TECTA: variants seen among roughly 807,000 people sequenced by gnomAD.
TECTA encodes tectorin alpha.
Under a neutral mutation model 216.8 loss-of-function variants are expected in TECTA, and 128 were observed. The ratio of observed to expected loss-of-function variants is 0.59; its 90% confidence interval spans 0.51 to 0.68. The LOEUF (loss-of-function observed/expected upper bound fraction) is 0.68, where lower values mean the gene tolerates loss of function less well. Among genes scored for constraint, TECTA ranks in the 30% least tolerant of loss-of-function variants. The probability of loss-of-function intolerance (pLI) is 0.00; values close to 1 mark genes in which losing one functional copy is unlikely to be tolerated. For missense variants in TECTA, 2,551 were observed against 2,786.2 expected (o/e 0.92, Z 1.90); for synonymous variants, 1,089 against 1,117.1 (o/e 0.97, Z 0.50).
At chr11:121,144,897 A>G (rs1184456272) in intron 11 of TECTA, among the ~76,000 whole-genome samples, 2 of 152,166 alleles carry the variant, frequency 1.3e-5, no homozygotes, top group South Asian at 2.1e-4. Context: ...GTGTGCTGCA[A>G]TACAGTGTAT....
chr11:121,118,642 C>T lies in TECTA; in HGVS notation c.1127C>T (p.Ser376Phe), dbSNP rs181889512. 4.3e-6 allele frequency: 7 copies of T among 1,614,138 alleles called. No homozygotes were observed. The Admixed American group carries it at 8.3e-5, about 19-fold the overall frequency. ...GAACACCGCAGAGGTTCAGCCGTCT[C>T]CTGGGTGAAGGAGCTCTCAGTGGAG... is the stretch of plus-strand genomic sequence containing the variant. ...KNEHRRGSAV[S>F]WVKELSVEVN... is the part of the protein sequence containing the mutation. The change falls in exon 7 of 24, where the codon TCC (serine) becomes TTC (phenylalanine). Residue 376 changes from serine (S) to phenylalanine (F), a missense_variant. Physicochemically the swap from Ser to Phe is radical, Grantham distance 155. Around this residue, in one of 3 missense-constraint regions of TECTA, gnomAD observed 2,375 missense variants for 2,563.9 expected, o/e 0.93. Coordinates refer to ENST00000392793, the MANE Select transcript of TECTA (RefSeq NM_005422.4).
Position 121,127,161 on chromosome 11 carries a change from A to ATT in TECTA, c.1775-591_1775-590insTT, listed in dbSNP as rs1946620909. Among the ~76,000 whole-genome samples the ATT allele has an allele frequency of 6.6e-6, 1 of 152,230 alleles. No homozygotes were observed. Among genetic ancestry groups the ATT allele is most frequent in the Non-Finnish European group, 1.5e-5 (1 of 68,038 alleles). ...ACATCTTACCTTGTCTCCTGGAGAA[A>ATT]CAGCCACACAAATTCTTTGAATTCT... On this transcript the variant is annotated intron_variant, in intron 8 of 23. Transcript: ENST00000392793. This position sits in a 1 kb window ranked among gnomAD's most constrained non-coding sequence, Gnocchi z 5.0.
intron 20 of TECTA, among the ~76,000 whole-genome samples, chr11:121,184,704 AG>A (rs1947263546): frequency 6.6e-6 from 1 of 152,212 alleles, no homozygotes; most frequent in South Asian, 2.1e-4. Flanking sequence ...AAATCCTTTT[AG>A]GTTTCAAGAC....
At chr11:121,154,077 A>G (rs1418092779) in intron 13 of TECTA, among the ~76,000 whole-genome samples, 1 of 152,262 alleles carries the variant, frequency 6.6e-6, no homozygotes, top group Non-Finnish European at 1.5e-5. Context: ...GATCAGTTAC[A>G]AAATAACCTA....
intron 21 of TECTA, 42 bp downstream of exon 21, chr11:121,188,036 C>A (rs369389623): frequency 7.2e-5 from 116 of 1,610,726 alleles, no homozygotes; most frequent in Non-Finnish European, 9.1e-5. Context: ...CCTTATTTCT[C>A]ACTGTCTTGG....
At chr11:121,130,424 A>G (rs987937916) in intron 10 of TECTA, among the ~76,000 whole-genome samples, 1 of 152,130 alleles carries the variant, frequency 6.6e-6, no homozygotes, top group Non-Finnish European at 1.5e-5. Flanking sequence ...ACTGCACAGT[A>G]CCTCCTCACT....
intron 6 of TECTA, among the ~76,000 whole-genome samples, chr11:121,115,675 G>T (rs1388464156): frequency 1.3e-5 from 2 of 152,026 alleles, no homozygotes; most frequent in Non-Finnish European, 2.9e-5. Context: ...TAGGAGACAG[G>T]GTCTCTCTCT....
intron 11 of TECTA, among the ~76,000 whole-genome samples, chr11:121,140,526 A>G (rs1468879648): frequency 6.6e-6 from 1 of 152,250 alleles, no homozygotes; most frequent in Non-Finnish European, 1.5e-5. Flanking sequence ...AAGGGCTGCC[A>G]TAATGAAATA....
At position 121,145,702 on chromosome 11, in the gene TECTA, C is replaced by T. The variant is rs765551265; in HGVS notation, c.3691C>T (p.Arg1231Trp). The T allele has an allele frequency of 9.3e-6, 15 of 1,614,100 alleles. No homozygotes were observed. The highest frequency in any genetic ancestry group is 8.9e-5 in the East Asian group (4 of 44,898). Residue 1231 changes from arginine (R) to tryptophan (W), a missense_variant, in exon 12 of 24, where the codon CGG (arginine) becomes TGG (tryptophan). By Grantham distance (101) the Arg-to-Trp change is moderately radical. This residue lies in a region of TECTA where 2,375 missense variants were observed against 2,563.9 expected (regional missense o/e 0.93). Coordinates refer to ENST00000392793, the MANE Select transcript of TECTA (RefSeq NM_005422.4). Reference sequence around the variant, plus strand: ...GACCTTCCTGTCCATCACAGTCCCTCGGAGCATGCAGAACAGCACCTATGG... The same window carrying T: ...GACCTTCCTGTCCATCACAGTCCCTTGGAGCATGCAGAACAGCACCTATGG... ...WKTFLSITVP[R>W]SMQNSTYGLC...
At chr11:121,156,333 C>T (rs1946940728) in intron 13 of TECTA, among the ~76,000 whole-genome samples, 1 of 151,800 alleles carries the variant, frequency 6.6e-6, no homozygotes, top group Non-Finnish European at 1.5e-5. Flanking sequence ...CACTACCATG[C>T]TGGTTGTTAT....
rs767039420 is a variant in TECTA, at chr11:121,158,144, C to G, written c.4609C>G (p.Pro1537Ala). ...LIINFDKWSA[P>A]NLTIISPVYF... The stretch of plus-strand genomic sequence containing the variant: ...CATCAACTTCGACAAGTGGTCGGCC[C>G]CCAACCTCACCATCATTTCGCCCGT... Residue 1537 changes from proline to alanine, a missense_variant, in exon 14 of 24, where the codon CCC becomes GCC. Coordinates refer to ENST00000392793, the MANE Select transcript of TECTA (RefSeq NM_005422.4). The G allele has an allele frequency of 6.2e-7, 1 of 1,614,182 alleles. No individual in the cohort carries two copies. Among genetic ancestry groups the G allele is most frequent in the Non-Finnish European group, 8.5e-7 (1 of 1,180,038 alleles).
intron 20 of TECTA, among the ~76,000 whole-genome samples, chr11:121,174,051 AC>A (rs1288895460): frequency 6.6e-6 from 1 of 152,126 alleles, no homozygotes; most frequent in African/African-American, 2.4e-5. Flanking sequence ...GTATCCTGAG[AC>A]TTTGCTGAAG....
At chr11:121,103,436 G>T (rs555308892) in intron 2 of TECTA, among the ~76,000 whole-genome samples, 1 of 152,120 alleles carries the variant, frequency 6.6e-6, no homozygotes, top group East Asian at 1.9e-4. Context: ...AGATGAACAC[G>T]TCAAGCCCCT....
intron 20 of TECTA, among the ~76,000 whole-genome samples, chr11:121,182,784 G>A (rs1325909047): frequency 6.6e-6 from 1 of 152,084 alleles, no homozygotes; most frequent in African/African-American, 2.4e-5. Context: ...CCTGGAAGAT[G>A]TGTATGGGAG....
chr11:121,172,499 C>G (rs2134201193), intron 20 of TECTA, among the ~76,000 whole-genome samples: 1 of 152,262 alleles, frequency 6.6e-6, no homozygotes, highest in Non-Finnish European at 1.5e-5. Flanking sequence ...TCATCCATGT[C>G]CCTACAAAGG....
chr11:121,175,384 T>C (rs1263572865), intron 20 of TECTA, among the ~76,000 whole-genome samples: 1 of 152,230 alleles, frequency 6.6e-6, no homozygotes, highest in Non-Finnish European at 1.5e-5. Context: ...GAGATTCTGG[T>C]ATGTTGTGTC....
At chr11:121,174,005 G>T (rs1344738722) in intron 20 of TECTA, among the ~76,000 whole-genome samples, 1 of 152,180 alleles carries the variant, frequency 6.6e-6, no homozygotes, top group African/African-American at 2.4e-5. Flanking sequence ...TGTTATTGGT[G>T]TATAAGAATG....
chr11:121,189,234 TTC>T, intron 22 of TECTA, 67 bp downstream of exon 22: 3 of 1,520,814 alleles, frequency 2.0e-6, no homozygotes, highest in Non-Finnish European at 2.7e-6. Context: ...TCAGATGTGT[TTC>T]ACCTCTGATG....
chr11:121,105,878 A>G lies in TECTA; in HGVS notation c.112A>G (p.Thr38Ala), dbSNP rs1375830657. Residue 38 changes from threonine to alanine, a missense_variant, in exon 3 of 24, where the codon ACC becomes GCC. Thr to Ala is a moderately conservative substitution (Grantham distance 58, BLOSUM62 0). Transcript: ENST00000392793. The surrounding 1 kb of genome is among the most constrained non-coding windows in gnomAD (Gnocchi z 5.3). ...MYPFWQNDTK[T>A]PKVDDGSSSE... ...TCCATTTTGGCAGAATGACACCAAA[A>G]CCCCTAAAGTAGATGATGGAAGCTC... is the stretch of plus-strand genomic sequence containing the variant. 1 of 1,614,012 alleles carries G rather than the reference A, an allele frequency of 6.2e-7. No homozygotes were observed. Among genetic ancestry groups the G allele is most frequent in the South Asian group, 1.1e-5 (1 of 91,062 alleles).
Sources: gnomAD v4.1 joint callset for allele counts (sites outside exome capture counted in the v4.1 genomes callset) on GRCh38, gnomAD v4.1.1 for gene constraint, gnomAD v4.1.1 regional missense constraint, Gnocchi (gnomAD v3.1) non-coding constraint, MANE v1.5 for transcripts, NCBI Gene and HGNC (gene_info 2026-07-23, HGNC 2026-07-21) for gene names.